TBC1D15: variants seen among roughly 807,000 people sequenced by gnomAD.
TBC1D15 encodes TBC1 domain family member 15.
TBC1D15 carries 39 observed loss-of-function variants against 95.4 expected under a neutral mutation model. That is an observed-to-expected ratio of 0.41 (90% CI 0.32 to 0.53). The LOEUF (loss-of-function observed/expected upper bound fraction) is 0.53, where lower values mean the gene tolerates loss of function less well. Among genes scored for constraint, TBC1D15 ranks in the 20% least tolerant of loss-of-function variants. The probability of loss-of-function intolerance (pLI) is 0.29; values close to 1 mark genes in which losing one functional copy is unlikely to be tolerated. For synonymous variants in TBC1D15, 258 were observed against 261.3 expected, an observed-to-expected ratio of 0.99 and a Z score of 0.12; for missense variants, 733 against 794.3, an observed-to-expected ratio of 0.92 and a Z score of 0.93.
intron 4 of TBC1D15, among the ~76,000 whole-genome samples, chr12:71,882,549 T>G (rs925687205): frequency 1.3e-5 from 2 of 152,230 alleles, no homozygotes; most frequent in East Asian, 3.8e-4. Flanking sequence ...TAGAACTAAT[T>G]AATTTTCTTT....
At chr12:71,893,791 T>G (rs950561976) in intron 6 of TBC1D15, among the ~76,000 whole-genome samples, 7 of 151,996 alleles carry the variant, frequency 4.6e-5, no homozygotes, top group African/African-American at 1.7e-4. Flanking sequence ...CACTTAATAA[T>G]AGGCAGAAGT....
chr12:71,919,100 C>G (rs559871674), intron 14 of TBC1D15, among the ~76,000 whole-genome samples: 1 of 152,248 alleles, frequency 6.6e-6, no homozygotes, highest in South Asian at 2.1e-4. Flanking sequence ...CACCATCCCC[C>G]CATGTGTAAT....
chr12:71,876,591 G>A (rs1387248814), intron 3 of TBC1D15, among the ~76,000 whole-genome samples: 2 of 151,882 alleles, frequency 1.3e-5, no homozygotes, highest in East Asian at 1.9e-4. Flanking sequence ...TCTGTTTTTT[G>A]TATCCCATGC....
At chr12:71,876,664 T>G (rs1893886346) in intron 3 of TBC1D15, among the ~76,000 whole-genome samples, 1 of 152,090 alleles carries the variant, frequency 6.6e-6, no homozygotes, top group Non-Finnish European at 1.5e-5. Flanking sequence ...AGAAAAAGAG[T>G]GCATGGGAAC....
intron 1 of TBC1D15, among the ~76,000 whole-genome samples, chr12:71,865,854 G>A (rs991660748): frequency 3.9e-5 from 6 of 152,100 alleles, no homozygotes; most frequent in Non-Finnish European, 7.4e-5. Flanking sequence ...GCTTTGGCCT[G>A]GTGGGGTGTG....
At chr12:71,848,095 C>G (rs925740188) in intron 1 of TBC1D15, among the ~76,000 whole-genome samples, 2 of 152,156 alleles carry the variant, frequency 1.3e-5, no homozygotes, top group Non-Finnish European at 2.9e-5. Flanking sequence ...GAAACTCTGT[C>G]TCGAAAAAAT....
At chr12:71,842,628 C>A (rs939049228) in intron 1 of TBC1D15, among the ~76,000 whole-genome samples, 2 of 150,920 alleles carry the variant, frequency 1.3e-5, no homozygotes, top group African/African-American at 4.9e-5. Context: ...CTCAGGAGTT[C>A]AAGACCAGCT....
At chr12:71,879,502 T>C (rs1894698341) in intron 3 of TBC1D15, among the ~76,000 whole-genome samples, 1 of 152,170 alleles carries the variant, frequency 6.6e-6, no homozygotes, top group African/African-American at 2.4e-5. Context: ...TATTTTTATG[T>C]ATGTATGTGT....
chr12:71,880,556 T>C lies in TBC1D15; in HGVS notation c.292T>C (p.Trp98Arg). Residue 98 changes from tryptophan (W) to arginine (R), a missense_variant, in exon 4 of 17, where the codon TGG becomes CGG. Transcript: ENST00000485960. ...ACATCTGAACAGTTACGAAGCAGAATGGGACATGGTTAATACAGTTTCATT... is the reference window on the plus strand; with the variant it reads ...ACATCTGAACAGTTACGAAGCAGAACGGGACATGGTTAATACAGTTTCATT... ...SEHLNSYEAE[W>R]DMVNTVSFKR... 6.2e-7 allele frequency: 1 copy of C among 1,613,484 alleles called. No homozygotes were observed. The highest frequency in any genetic ancestry group is 8.5e-7 in the Non-Finnish European group (1 of 1,179,638).
At chr12:71,907,702 A>G (rs187275913) in intron 11 of TBC1D15, 2 of 152,376 alleles carry the variant, frequency 1.3e-5, no homozygotes, top group Admixed American at 1.3e-4. Flanking sequence ...TTGCTGGGAT[A>G]CTAAGGATGA....
At position 71,923,168 on chromosome 12, in the gene TBC1D15, A is replaced by C. The variant is rs1354489920; in HGVS notation, c.1989A>C (p.Pro663=). Residue 663 remains proline, a synonymous_variant, in exon 17 of 17, where the codon CCA becomes CCC. Transcript: ENST00000485960. ...GARNDSPTQI[P]VSSDVCRLTP... Reference sequence around the variant, plus strand: ...GAAATGACAGCCCAACACAGATACCAGTGTCCTCAGATGTCTGCAGATTAA... The same window carrying C: ...GAAATGACAGCCCAACACAGATACCCGTGTCCTCAGATGTCTGCAGATTAA... The C allele has an allele frequency of 6.2e-7, 1 of 1,614,186 alleles. No homozygotes were observed. The highest frequency in any genetic ancestry group is 8.5e-7 in the Non-Finnish European group (1 of 1,180,030).
chr12:71,878,411 CAGAGAGAG>C (rs148681015), intron 3 of TBC1D15, among the ~76,000 whole-genome samples: 2 of 148,744 alleles, frequency 1.3e-5, no homozygotes, highest in Non-Finnish European at 3.0e-5. Flanking sequence ...AAGTAGAAGT[CAGAGAGAG>C]AGAGAGAGAG....
intron 11 of TBC1D15, among the ~76,000 whole-genome samples, chr12:71,909,783 G>C (rs1264776365): frequency 2.6e-5 from 4 of 152,086 alleles, no homozygotes; most frequent in Non-Finnish European, 4.4e-5. Context: ...TAATTTTAGG[G>C]AAGTACTTTA....
chr12:71,885,495 C>T (rs557611522), intron 5 of TBC1D15, among the ~76,000 whole-genome samples: 83 of 152,302 alleles, frequency 5.4e-4, no homozygotes, highest in South Asian at 4.6e-3. Flanking sequence ...TGCATCTGTA[C>T]ACACACATGC....
chr12:71,882,475 A>G (rs1284810423), intron 4 of TBC1D15, among the ~76,000 whole-genome samples: 3 of 152,206 alleles, frequency 2.0e-5, no homozygotes, highest in Non-Finnish European at 2.9e-5. Flanking sequence ...TATTATATTT[A>G]GTATTCTCAT....
intron 12 of TBC1D15, among the ~76,000 whole-genome samples, chr12:71,915,149 T>C (rs1417452545): frequency 1.3e-5 from 2 of 152,056 alleles, no homozygotes; most frequent in African/African-American, 4.8e-5. Flanking sequence ...TTGATTTGTC[T>C]ACCTTCTTAG....
intron 10 of TBC1D15, among the ~76,000 whole-genome samples, chr12:71,898,227 T>G (rs1253445254): frequency 6.6e-6 from 1 of 152,096 alleles, no homozygotes; most frequent in Non-Finnish European, 1.5e-5. Flanking sequence ...ATTAATTTCA[T>G]TTTTAAAAAA....
At chr12:71,852,435 A>G (rs1233075724) in intron 1 of TBC1D15, among the ~76,000 whole-genome samples, 1 of 152,176 alleles carries the variant, frequency 6.6e-6, no homozygotes, top group Non-Finnish European at 1.5e-5. Context: ...TAGTTATGCA[A>G]ATTTCTGCGG....
chr12:71,858,246 AT>A (rs1889563847), intron 1 of TBC1D15, among the ~76,000 whole-genome samples: 1 of 151,680 alleles, frequency 6.6e-6, no homozygotes, highest in Non-Finnish European at 1.5e-5. Flanking sequence ...CTTATTTTGT[AT>A]TTTTAGTAGA....
Sources: gnomAD v4.1 joint callset for allele counts (sites outside exome capture counted in the v4.1 genomes callset) on GRCh38, gnomAD v4.1.1 for gene constraint, MANE v1.5 for transcripts, NCBI Gene and HGNC (gene_info 2026-07-23, HGNC 2026-07-21) for gene names.